USP43: variants seen among roughly 807,000 people sequenced by gnomAD.
USP43 encodes ubiquitin carboxyl-terminal hydrolase 43.
A neutral mutation model predicts 90.7 loss-of-function variants in USP43; 33 were observed. The observed-to-expected ratio is 0.36, with a 90% confidence interval of 0.28 to 0.49. The LOEUF is 0.49. Among genes scored for constraint, USP43 ranks in the 20% least tolerant of loss-of-function variants. USP43 has a pLI of 0.98. For missense variants in USP43, 1,274 were observed against 1,476.4 expected (o/e 0.86, Z 2.25); for synonymous variants, 598 against 615.8 (o/e 0.97, Z 0.43).
At position 9,728,534 on chromosome 17, in the gene USP43, G is replaced by C. The variant is rs1170720114; in HGVS notation, c.2916G>C (p.Met972Ile). 6.2e-7 allele frequency: 1 copy of C among 1,613,830 alleles called. No individual in the cohort carries two copies. Among genetic ancestry groups the C allele is most frequent in the African/African-American group, 1.3e-5 (1 of 74,922 alleles). ...GSKSSPPSPY[M>I]GFSGNSKDSR... Reference sequence around the variant, plus strand: ...AAAGCAGCCCACCCTCCCCCTATATGGGATTCTCTGGAAACAGCAAAGACA... The same window carrying C: ...AAAGCAGCCCACCCTCCCCCTATATCGGATTCTCTGGAAACAGCAAAGACA... Residue 972 changes from methionine (M) to isoleucine (I), a missense_variant, in exon 15 of 15, where the codon ATG becomes ATC. This residue lies in a region of USP43 where 353 missense variants were observed against 329.7 expected (regional missense o/e 1.07). Transcript: ENST00000285199. The surrounding 1 kb of genome is among the most constrained non-coding windows in gnomAD (Gnocchi z 6.2).
intron 3 of USP43, among the ~76,000 whole-genome samples, chr17:9,666,993 T>TA (rs1352310404): frequency 2.0e-5 from 3 of 152,116 alleles, no homozygotes; most frequent in Non-Finnish European, 2.9e-5. Context: ...GGAGGGGTGA[T>TA]AAGAGGATGA....
At chr17:9,726,542 C>CTG (rs1567687737) in intron 14 of USP43, among the ~76,000 whole-genome samples, 5 of 152,266 alleles carry the variant, frequency 3.3e-5, no homozygotes, top group Admixed American at 2.6e-4. Flanking sequence ...CTTCATGTGT[C>CTG]CTCACATGGC....
chr17:9,722,522 T>C (rs1364593771), intron 14 of USP43, among the ~76,000 whole-genome samples: 1 of 152,212 alleles, frequency 6.6e-6, no homozygotes, highest in Non-Finnish European at 1.5e-5. Flanking sequence ...CCTTTCCTTA[T>C]TGTTGCTGAT....
intron 14 of USP43, among the ~76,000 whole-genome samples, chr17:9,713,979 T>C (rs1250328468): frequency 6.6e-6 from 1 of 152,088 alleles, no homozygotes; most frequent in Admixed American, 6.5e-5. Flanking sequence ...GTGAGGATGG[T>C]TTGGGATGAA....
chr17:9,717,924 G>A (rs560340600), intron 14 of USP43, among the ~76,000 whole-genome samples: 109 of 151,902 alleles, frequency 7.2e-4, no homozygotes, highest in Non-Finnish European at 1.2e-3. Flanking sequence ...AGACTCCCGA[G>A]TAGCTGGGAC....
intron 9 of USP43, among the ~76,000 whole-genome samples, chr17:9,698,491 A>G (rs1451189593): frequency 6.6e-6 from 1 of 152,156 alleles, no homozygotes; most frequent in African/African-American, 2.4e-5. Context: ...TGCTCCTCCC[A>G]TTAGCCTATC....
chr17:9,700,310 T>G, intron 10 of USP43, 61 bp downstream of exon 10: 6 of 1,497,390 alleles, frequency 4.0e-6, no homozygotes, highest in Non-Finnish European at 5.5e-6. Flanking sequence ...TGCCCAGGTT[T>G]CCCTGGACGC....
intron 1 of USP43, among the ~76,000 whole-genome samples, chr17:9,652,528 A>AT (rs1274789261): frequency 6.6e-6 from 1 of 151,840 alleles, no homozygotes; most frequent in African/African-American, 2.4e-5. Context: ...CGTCCGGCTA[A>AT]TTTTTTGTAT....
intron 2 of USP43, among the ~76,000 whole-genome samples, chr17:9,663,600 A>G (rs1192710525): frequency 1.3e-5 from 2 of 150,302 alleles, no homozygotes; most frequent in African/African-American, 2.5e-5. Flanking sequence ...TCCCGCCCAG[A>G]CATTCTTTTT....
At chr17:9,669,140 G>T (rs956580459) in intron 3 of USP43, among the ~76,000 whole-genome samples, 1 of 152,076 alleles carries the variant, frequency 6.6e-6, no homozygotes, top group East Asian at 1.9e-4. Flanking sequence ...CACCACGCCC[G>T]GCCGGGCATC....
rs577130939 is a variant in USP43, at chr17:9,652,463, G to A, written c.505-3940G>A. On this transcript the variant is annotated intron_variant, in intron 1 of 14. Transcript: ENST00000285199. ...TGCAAGCTCCGCCTCCCGGGTTCAA[G>A]TGATTCTTCTGTCTCAGCCTCCCGA... Among the ~76,000 whole-genome samples, 3 of 151,898 alleles carry A rather than the reference G, an allele frequency of 2.0e-5. 1 individual carries two copies. In the South Asian group the frequency reaches 6.2e-4, roughly 32 times the overall value.
At chr17:9,702,243 C>T (rs1300514121) in intron 12 of USP43, among the ~76,000 whole-genome samples, 2 of 152,126 alleles carry the variant, frequency 1.3e-5, no homozygotes, top group African/African-American at 2.4e-5. Context: ...GTGGCTTACA[C>T]TTGTAGTCCT....
At chr17:9,720,779 C>G (rs889202006) in intron 14 of USP43, among the ~76,000 whole-genome samples, 1 of 152,184 alleles carries the variant, frequency 6.6e-6, no homozygotes, top group Non-Finnish European at 1.5e-5. Flanking sequence ...TGAGCCACCA[C>G]GCCCAGCCGG....
chr17:9,714,101 G>A (rs1454487288), intron 14 of USP43, among the ~76,000 whole-genome samples: 3 of 152,144 alleles, frequency 2.0e-5, no homozygotes, highest in African/African-American at 2.4e-5. Flanking sequence ...AATCTAATAC[G>A]CCTGCTGATC....
At position 9,701,320 on chromosome 17, in the gene USP43, G is replaced by T; in HGVS notation, c.1663-32G>T. The T allele has an allele frequency of 6.3e-7, 1 of 1,587,570 alleles. No individual in the cohort carries two copies. ...TTGGTGGGTTGGCCACGTGCTGCGG[G>T]GGCCTCACAGTCCGGGTGGTTTGCT... On this transcript the variant is annotated intron_variant, in intron 11 of 14. Coordinates refer to ENST00000285199, the MANE Select transcript of USP43 (RefSeq NM_153210.5). The surrounding 1 kb of genome is among the most constrained non-coding windows in gnomAD (Gnocchi z 7.2).
chr17:9,714,472 G>A (rs547001219), intron 14 of USP43, among the ~76,000 whole-genome samples: 11 of 152,120 alleles, frequency 7.2e-5, no homozygotes, highest in Middle Eastern at 6.8e-3. Flanking sequence ...ATGGGGTCAG[G>A]AGTTCGAGAC....
At chr17:9,697,738 T>C (rs890238879) in intron 9 of USP43, among the ~76,000 whole-genome samples, 2 of 151,484 alleles carry the variant, frequency 1.3e-5, no homozygotes, top group South Asian at 2.1e-4. Context: ...CAATCCACCA[T>C]TGATGGATAC....
At chr17:9,667,458 G>T (rs1383208809) in intron 3 of USP43, among the ~76,000 whole-genome samples, 3 of 152,170 alleles carry the variant, frequency 2.0e-5, no homozygotes, top group Non-Finnish European at 4.4e-5. Context: ...ACTTCAGAAA[G>T]TATGTGTTCT....
intron 1 of USP43, among the ~76,000 whole-genome samples, chr17:9,653,726 G>C (rs897397582): frequency 6.6e-5 from 10 of 152,218 alleles, no homozygotes; most frequent in African/African-American, 2.4e-4. Context: ...GAGGGTGCTT[G>C]GACTATTTGG....
Sources: gnomAD v4.1 joint callset for allele counts (sites outside exome capture counted in the v4.1 genomes callset) on GRCh38, gnomAD v4.1.1 for gene constraint, gnomAD v4.1.1 regional missense constraint, Gnocchi (gnomAD v3.1) non-coding constraint, MANE v1.5 for transcripts, NCBI Gene and HGNC (gene_info 2026-07-23, HGNC 2026-07-21) for gene names.